CBFA2T3: variants seen among roughly 807,000 people sequenced by gnomAD.
The protein encoded by CBFA2T3 is transcriptional corepressor CBFA2T3.
In CBFA2T3, 31 loss-of-function variants were observed where a neutral mutation model predicts 58.6. The observed-to-expected ratio is 0.53, with a 90% CI of 0.40 to 0.71. The LOEUF is 0.71. CBFA2T3 is among the 30% of genes least tolerant of loss of function. CBFA2T3 has a pLI of 0.00. For synonymous variants in CBFA2T3, 531 were observed against 421.9 expected (o/e 1.26, Z -3.17); for missense variants, 1,076 against 963.1 (o/e 1.12, Z -1.55).
At chr16:88,906,317 G>C (rs8045542) in intron 1 of CBFA2T3, among the ~76,000 whole-genome samples, 6,442 of 152,022 alleles carry the variant, frequency 0.042, 186 homozygotes, top group African/African-American at 0.081. Context: ...TTTCTACTCC[G>C]CAGACCCACT....
At chr16:88,974,613 T>C (rs1487067105) in intron 1 of CBFA2T3, among the ~76,000 whole-genome samples, 1 of 152,192 alleles carries the variant, frequency 6.6e-6, no homozygotes, top group Non-Finnish European at 1.5e-5. Flanking sequence ...CTTCAGCTTT[T>C]AGAAATATTA....
Position 88,875,929 on chromosome 16 carries a change from C to G in CBFA2T3, c.*1047G>C, listed in dbSNP as rs577837257. 28 of 233,162 alleles carry G rather than the reference C, an allele frequency of 1.2e-4. No homozygotes were observed. Among genetic ancestry groups the G allele is most frequent in the Non-Finnish European group, 2.2e-4 (26 of 117,946 alleles). 14.4% of individuals were successfully genotyped at this position (233,162 alleles called of 1,614,324 possible). A position where few individuals can be genotyped will look rare whatever the true frequency, so the allele number is the denominator to read the frequency against. On this transcript the variant is annotated 3_prime_UTR_variant, in exon 12 of 12. Transcript: ENST00000268679. ...CCGGAGCAACGGCACACGGACCACG[C>G]ACACGCGGCGGACGCACCAACGCCT...
chr16:88,883,174 G>T (rs1470715018), intron 7 of CBFA2T3: 2 of 273,984 alleles, frequency 7.3e-6, no homozygotes, highest in African/African-American at 2.2e-5. Flanking sequence ...GACTAAGCGT[G>T]GCCTGAGGAT....
chr16:88,926,826 C>T (rs1255275071), intron 1 of CBFA2T3, among the ~76,000 whole-genome samples: 2 of 152,216 alleles, frequency 1.3e-5, no homozygotes, highest in Non-Finnish European at 1.5e-5. Context: ...CCCAGGAGCT[C>T]ACAAGGCCTT....
intron 1 of CBFA2T3, among the ~76,000 whole-genome samples, chr16:88,959,328 C>T (rs1007148788): frequency 3.9e-5 from 6 of 152,094 alleles, no homozygotes; most frequent in African/African-American, 1.2e-4. Context: ...GGTCTCCTTG[C>T]GGGAGAGAGT....
rs139749870 is a variant in CBFA2T3 at position 88,876,988 on chromosome 16, G to A, written c.1950C>T (p.Thr650=). Residue 650 remains threonine (T), a synonymous_variant, in exon 12 of 12, where the codon ACC becomes ACT. Coordinates refer to ENST00000268679, the MANE Select transcript of CBFA2T3 (RefSeq NM_005187.6). ...GGGGCCAGTGGGGTCAGCGGGGCAC[G>A]GTGTCCAGTGGGCCAGGTGGGCTGG... The part of the protein sequence containing the change: ...GSPSPPGPLD[T]VPR 170 of 1,451,414 alleles carry A rather than the reference G, an allele frequency of 1.2e-4. No individual in the cohort carries two copies. Among genetic ancestry groups the A allele is most frequent in the Non-Finnish European group, 1.5e-4 (161 of 1,107,830 alleles). 89.9% of individuals were successfully genotyped at this position (1,451,414 alleles called of 1,614,324 possible). A position where few individuals can be genotyped will look rare whatever the true frequency, so the allele number is the denominator to read the frequency against.
intron 1 of CBFA2T3, among the ~76,000 whole-genome samples, chr16:88,914,537 C>T (rs975502373): frequency 3.3e-5 from 5 of 152,212 alleles, no homozygotes; most frequent in East Asian, 1.9e-4. Context: ...AAAATGTGAT[C>T]GTGGTTGCCG....
At chr16:88,891,162 C>T (rs932363728) in intron 5 of CBFA2T3, among the ~76,000 whole-genome samples, 6 of 152,042 alleles carry the variant, frequency 3.9e-5, no homozygotes, top group African/African-American at 1.2e-4. Flanking sequence ...GCCTGTCTAC[C>T]GCCCTCACCT....
intron 1 of CBFA2T3, among the ~76,000 whole-genome samples, chr16:88,975,163 GACCCTCTCT>G (rs1567643904): frequency 7.6e-4 from 102 of 134,328 alleles, no homozygotes; most frequent in African/African-American, 1.1e-3. Flanking sequence ...GGTCCACCCT[GACCCTCTCT>G]GCTCCACATC....
intron 1 of CBFA2T3, among the ~76,000 whole-genome samples, chr16:88,927,304 C>G (rs1971114385): frequency 1.3e-5 from 2 of 152,216 alleles, no homozygotes; most frequent in Admixed American, 1.3e-4. Context: ...CTTCCCCAGG[C>G]AGCACTGATG....
At chr16:88,897,487 C>T (rs1006688043) in intron 3 of CBFA2T3, among the ~76,000 whole-genome samples, 1 of 152,244 alleles carries the variant, frequency 6.6e-6, no homozygotes, top group African/African-American at 2.4e-5. Flanking sequence ...GAACGCCCGC[C>T]ATGGGCCACG....
intron 11 of CBFA2T3, among the ~76,000 whole-genome samples, chr16:88,878,937 A>G (rs1293149774): frequency 6.6e-6 from 1 of 152,216 alleles, no homozygotes; most frequent in East Asian, 1.9e-4. Context: ...TCTGGGCAAC[A>G]AGAGTGAAAC....
chr16:88,944,778 G>C (rs1016898630), intron 1 of CBFA2T3, among the ~76,000 whole-genome samples: 2 of 152,254 alleles, frequency 1.3e-5, no homozygotes, highest in African/African-American at 4.8e-5. Flanking sequence ...TACCAGGTAA[G>C]ACTCGCTGTC....
In CBFA2T3 at chr16:88,910,642, G is replaced by A. The variant is rs571026204; in HGVS notation, c.152-8986C>T. Among the ~76,000 whole-genome samples the A allele has an allele frequency of 4.1e-3, 627 of 152,314 alleles. 2 individuals carry two copies. Among genetic ancestry groups the A allele is most frequent in the African/African-American group, 0.014 (599 of 41,558 alleles). ...GCGTGAGCAGTGCAGGGCGGCCCTC[G>A]CAGCGGGGTCTCTGTGCCACTCTCT... On this transcript the variant is annotated intron_variant, in intron 1 of 11. Transcript: ENST00000268679.
At chr16:88,949,612 C>G (rs1476200312) in intron 1 of CBFA2T3, among the ~76,000 whole-genome samples, 1 of 151,030 alleles carries the variant, frequency 6.6e-6, no homozygotes, top group Non-Finnish European at 1.5e-5. Context: ...GGTGTGGGGA[C>G]AAACGACAGT....
chr16:88,903,871 C>G (rs564880085), intron 1 of CBFA2T3, among the ~76,000 whole-genome samples: 1 of 152,350 alleles, frequency 6.6e-6, no homozygotes, highest in South Asian at 2.1e-4. Flanking sequence ...CTTTCCAAAG[C>G]CCTCCCATGG....
chr16:88,879,545 G>T, intron 10 of CBFA2T3, 85 bp from the exon 11 acceptor site: 1 of 1,259,698 alleles, frequency 7.9e-7, no homozygotes, highest in Non-Finnish European at 1.1e-6. Flanking sequence ...CACAACCTGG[G>T]GACAGGGGCT....
At chr16:88,966,406 C>T (rs1004255852) in intron 1 of CBFA2T3, among the ~76,000 whole-genome samples, 5 of 151,754 alleles carry the variant, frequency 3.3e-5, no homozygotes, top group Admixed American at 3.3e-4. Context: ...AGTCCACAGA[C>T]CTCCCGGCCC....
At chr16:88,878,894 C>T (rs952110413) in intron 11 of CBFA2T3, among the ~76,000 whole-genome samples, 1 of 152,124 alleles carries the variant, frequency 6.6e-6, no homozygotes, top group African/African-American at 2.4e-5. Flanking sequence ...TGTAATGAGC[C>T]GAGGTCATGC....
Sources: gnomAD v4.1 joint callset for allele counts (sites outside exome capture counted in the v4.1 genomes callset) on GRCh38, gnomAD v4.1.1 for gene constraint, MANE v1.5 for transcripts, NCBI Gene and HGNC (gene_info 2026-07-23, HGNC 2026-07-21) for gene names.